RAD51B: variants seen among roughly 807,000 people sequenced by gnomAD.
RAD51B encodes the protein RAD51 paralog B, also known as DNA repair protein RAD51 homolog 2.
In RAD51B, 38 loss-of-function variants were observed where a neutral mutation model predicts 42.2. That is an observed-to-expected ratio of 0.90 (90% CI 0.70 to 1.18). The LOEUF is 1.18. Among genes scored for constraint, RAD51B ranks in the 50% most tolerant of loss-of-function variants. RAD51B has a pLI of 0.00. For synonymous variants in RAD51B, 154 were observed against 145.2 expected (o/e 1.06, Z -0.43); for missense variants, 373 against 400.7 (o/e 0.93, Z 0.59).
intron 9 of RAD51B, among the ~76,000 whole-genome samples, chr14:68,417,191 T>C (rs993908535): frequency 2.0e-5 from 3 of 152,158 alleles, no homozygotes; most frequent in African/African-American, 7.2e-5. Flanking sequence ...CTTGGTGGCA[T>C]GGTTCCAGGT....
At chr14:68,280,798 A>T (rs2081306711) in intron 7 of RAD51B, among the ~76,000 whole-genome samples, 1 of 152,232 alleles carries the variant, frequency 6.6e-6, no homozygotes, top group Admixed American at 6.5e-5. Context: ...TCACACCTGT[A>T]AACCCAGCAC....
At chr14:68,318,282 C>T (rs2082097185) in intron 8 of RAD51B, among the ~76,000 whole-genome samples, 1 of 152,180 alleles carries the variant, frequency 6.6e-6, no homozygotes, top group African/African-American at 2.4e-5. Flanking sequence ...TAATGTAATA[C>T]TTTCAAGAAG....
chr14:68,343,837 G>C (rs754537433), intron 8 of RAD51B, among the ~76,000 whole-genome samples: 2 of 152,282 alleles, frequency 1.3e-5, no homozygotes, highest in Non-Finnish European at 2.9e-5. Flanking sequence ...TCCATCTCCA[G>C]CTCCAGCTCA....
chr14:68,033,871 G>GAAACATAAA (rs2140376377), intron 7 of RAD51B, among the ~76,000 whole-genome samples: 1 of 152,236 alleles, frequency 6.6e-6, no homozygotes, highest in East Asian at 1.9e-4. Context: ...CAGTTAAGAT[G>GAAACATAAA]CATTTTCTTC....
At chr14:68,631,626 G>A (rs961227710) in intron 10 of RAD51B, among the ~76,000 whole-genome samples, 13 of 152,286 alleles carry the variant, frequency 8.5e-5, no homozygotes, top group African/African-American at 3.1e-4. Context: ...AAGAGTATAA[G>A]GTGCACCTTT....
At chr14:68,576,208 A>T (rs1258387322) in intron 10 of RAD51B, among the ~76,000 whole-genome samples, 1 of 152,174 alleles carries the variant, frequency 6.6e-6, no homozygotes, top group Non-Finnish European at 1.5e-5. Flanking sequence ...CATTTGCCGG[A>T]CACAAAAGGA....
intron 8 of RAD51B, among the ~76,000 whole-genome samples, chr14:68,319,147 TTTG>T (rs766594223): frequency 1.7e-4 from 26 of 152,162 alleles, no homozygotes; most frequent in Admixed American, 1.0e-3. Flanking sequence ...CGGAGGAGTT[TTTG>T]TTGTTGTTGT....
intron 7 of RAD51B, among the ~76,000 whole-genome samples, chr14:68,183,984 C>CG (rs71129872): frequency 0.027 from 3,978 of 150,102 alleles, 126 homozygotes; most frequent in African/African-American, 0.077. Context: ...CCCAGCTACT[C>CG]GGGGGGGGTG....
intron 8 of RAD51B, among the ~76,000 whole-genome samples, chr14:68,318,724 G>C (rs970436807): frequency 3.9e-5 from 6 of 152,154 alleles, no homozygotes; most frequent in Non-Finnish European, 5.9e-5. Flanking sequence ...CAGCACTGTT[G>C]GGCCTTGCCC....
intron 11 of RAD51B, among the ~76,000 whole-genome samples, chr14:68,654,336 A>G (rs543029367): frequency 1.3e-5 from 2 of 152,340 alleles, no homozygotes; most frequent in East Asian, 3.9e-4. Flanking sequence ...TTGTCTGGGA[A>G]GATGAGGCTG....
chr14:68,164,518 G>A (rs2140835539), intron 7 of RAD51B, among the ~76,000 whole-genome samples: 1 of 152,326 alleles, frequency 6.6e-6, no homozygotes, highest in Admixed American at 6.5e-5. Flanking sequence ...AATGACCCTT[G>A]TGTGTTTGCA....
chr14:68,517,116 G>A (rs954113467), intron 10 of RAD51B, among the ~76,000 whole-genome samples: 2 of 152,098 alleles, frequency 1.3e-5, no homozygotes, highest in Non-Finnish European at 2.9e-5. Flanking sequence ...CACAACTCAG[G>A]ACACTCACAC....
At chr14:68,587,814 T>G (rs1354849448) in intron 10 of RAD51B, among the ~76,000 whole-genome samples, 1 of 152,234 alleles carries the variant, frequency 6.6e-6, no homozygotes, top group Non-Finnish European at 1.5e-5. Flanking sequence ...CATAGCTGAC[T>G]GGGCTGCACA....
intron 10 of RAD51B, among the ~76,000 whole-genome samples, chr14:68,484,443 C>A (rs1209833653): frequency 6.7e-6 from 1 of 149,916 alleles, no homozygotes; most frequent in Non-Finnish European, 1.5e-5. Flanking sequence ...CTGCAACCTC[C>A]GCCTTCCGGG....
At chr14:67,978,499 TA>T (rs1762703613) in intron 7 of RAD51B, among the ~76,000 whole-genome samples, 1 of 152,204 alleles carries the variant, frequency 6.6e-6, no homozygotes, top group Non-Finnish European at 1.5e-5. Flanking sequence ...TTTTCTTCTT[TA>T]CTCATCCCAC....
chr14:68,607,134 C>T (rs557135921), intron 10 of RAD51B, among the ~76,000 whole-genome samples: 11 of 152,276 alleles, frequency 7.2e-5, no homozygotes, highest in African/African-American at 2.4e-4. Context: ...CAGGGTCATG[C>T]GGGCGGGCCA....
intron 10 of RAD51B, among the ~76,000 whole-genome samples, chr14:68,580,869 T>A (rs1890179621): frequency 6.6e-6 from 1 of 152,156 alleles, no homozygotes; most frequent in African/African-American, 2.4e-5. Context: ...CACAGGCCAT[T>A]TCCACACGGG....
chr14:68,155,482 G>A (rs955655490), intron 7 of RAD51B, among the ~76,000 whole-genome samples: 3 of 152,076 alleles, frequency 2.0e-5, no homozygotes, highest in Non-Finnish European at 4.4e-5. Context: ...ATGAGCCACC[G>A]CGCCCGGCCT....
intron 7 of RAD51B, among the ~76,000 whole-genome samples, chr14:68,252,475 C>T (rs977402070): frequency 6.6e-6 from 1 of 152,234 alleles, no homozygotes; most frequent in Non-Finnish European, 1.5e-5. Flanking sequence ...TTCTTCACCA[C>T]CCTTCCGTCC....
Sources: allele counts gnomAD v4.1 joint callset (sites outside exome capture counted in the v4.1 genomes callset), GRCh38; gene constraint gnomAD v4.1.1; transcripts MANE v1.5; gene names NCBI Gene and HGNC (gene_info 2026-07-23, HGNC 2026-07-21).